The following ENPP6 variants were observed in gnomAD, a reference collection of about 807,000 sequenced individuals.
ENPP6 encodes ectonucleotide pyrophosphatase/phosphodiesterase 6, also known as glycerophosphocholine cholinephosphodiesterase ENPP6.
A neutral mutation model predicts 42.0 loss-of-function variants in ENPP6; 32 were observed. The ratio of observed to expected loss-of-function variants is 0.76; its 90% CI spans 0.58 to 1.02. The LOEUF (loss-of-function observed/expected upper bound fraction) is 1.02. Among genes scored for constraint, ENPP6 ranks in the 50% least tolerant of loss-of-function variants. The pLI is 0.00. For missense variants in ENPP6, 552 were observed against 566.8 expected, an observed-to-expected ratio of 0.97 and a Z score of 0.27; for synonymous variants, 213 against 216.0, an observed-to-expected ratio of 0.99 and a Z score of 0.12.
At chr4:184,125,338 A>G (rs1736485751) in intron 2 of ENPP6, among the ~76,000 whole-genome samples, 1 of 152,186 alleles carries the variant, frequency 6.6e-6, no homozygotes, top group South Asian at 2.1e-4. Flanking sequence ...AGCTTGACCA[A>G]GGGTTCAGAG....
In ENPP6 at chr4:184,109,230, CAACAAAA is replaced by C. The variant is rs576047266; in HGVS notation, c.993+3435_993+3441del. 4.0e-3 allele frequency among the ~76,000 whole-genome samples: 450 copies of C among 111,200 alleles called. 4 individuals are homozygous for C. Among genetic ancestry groups the C allele is most frequent in the East Asian group, 0.024 (68 of 2,890 alleles). 73.0% of individuals were successfully genotyped at this position (111,200 alleles called of 152,430 possible). On this transcript the variant is annotated intron_variant, in intron 6 of 7. Transcript: ENST00000296741. ...CATCTCAAAAACAAAACAACAACAA[CAACAAAA>C]AAAAACAAAACAAACAAACAAAAAG...
Position 184,157,442 on chromosome 4 carries a change from T to TC in ENPP6, c.242-3710dup, listed in dbSNP as rs1407403779. Among the ~76,000 whole-genome samples the TC allele has an allele frequency of 4.1e-3, 553 of 133,738 alleles. 13 individuals carry two copies. Among genetic ancestry groups the TC allele is most frequent in the Admixed American group, 0.032 (425 of 13,090 alleles). 87.7% of individuals were successfully genotyped at this position (133,738 alleles called of 152,430 possible). A position where few individuals can be genotyped will look rare whatever the true frequency, so the allele number is the denominator to read the frequency against. The stretch of plus-strand genomic sequence containing the variant: ...CTTTCTTTCTTTCCTTTTCTTTCTT[T>TC]CTTTTCTTTCTCTCTCTTTCTTTCC... On this transcript the variant is annotated intron_variant, in intron 1 of 7. Transcript: ENST00000296741.
chr4:184,170,366 G>C (rs2111091828), intron 1 of ENPP6, among the ~76,000 whole-genome samples: 2 of 151,678 alleles, frequency 1.3e-5, no homozygotes, highest in South Asian at 4.2e-4. Flanking sequence ...GGAGTTGAAG[G>C]TTGTGGTGAG....
intron 6 of ENPP6, among the ~76,000 whole-genome samples, chr4:184,097,882 G>C (rs577249870): frequency 6.6e-6 from 1 of 152,108 alleles, no homozygotes; most frequent in Admixed American, 6.5e-5. Flanking sequence ...CTGGCCACCA[G>C]AGGAACCAGA....
At chr4:184,121,320 C>A (rs936370455) in intron 3 of ENPP6, among the ~76,000 whole-genome samples, 10 of 152,248 alleles carry the variant, frequency 6.6e-5, no homozygotes, top group Admixed American at 6.5e-4. Flanking sequence ...CTCTTTCCTA[C>A]CACAGGCTGA....
chr4:184,123,714 AT>A (rs962803278), intron 3 of ENPP6, among the ~76,000 whole-genome samples: 11 of 152,198 alleles, frequency 7.2e-5, no homozygotes, highest in African/African-American at 2.7e-4. Flanking sequence ...GAAAAAACAG[AT>A]TTTGTGTTCT....
intron 2 of ENPP6, among the ~76,000 whole-genome samples, chr4:184,131,559 T>C (rs1354061916): frequency 2.0e-5 from 3 of 149,938 alleles, no homozygotes; most frequent in African/African-American, 7.5e-5. Flanking sequence ...AGATGAGATT[T>C]CACCATGTTG....
chr4:184,163,906 C>T (rs1174588868), intron 1 of ENPP6, among the ~76,000 whole-genome samples: 2 of 152,198 alleles, frequency 1.3e-5, no homozygotes, highest in African/African-American at 4.8e-5. Context: ...TAAGAAGGAT[C>T]TTGGAAATCG....
chr4:184,217,444 T>A, intron 1 of ENPP6, 135 bp downstream of exon 1: 2 of 1,287,086 alleles, frequency 1.6e-6, no homozygotes, highest in South Asian at 3.1e-5. Flanking sequence ...ACACAGATTT[T>A]TTTTATCTAC....
chr4:184,119,416 C>G (rs1202498204), intron 3 of ENPP6, among the ~76,000 whole-genome samples: 4 of 151,016 alleles, frequency 2.6e-5, no homozygotes, highest in Non-Finnish European at 5.9e-5. Context: ...TTCCCCTCAG[C>G]AAGAAACTAT....
chr4:184,192,900 C>G (rs1732729100), intron 1 of ENPP6, among the ~76,000 whole-genome samples: 1 of 152,142 alleles, frequency 6.6e-6, no homozygotes, highest in Non-Finnish European at 1.5e-5. Flanking sequence ...CCATGAAATG[C>G]CACTTCATAA....
At chr4:184,114,605 C>G (rs1325152490) in intron 5 of ENPP6, among the ~76,000 whole-genome samples, 1 of 152,126 alleles carries the variant, frequency 6.6e-6, no homozygotes, top group Non-Finnish European at 1.5e-5. Flanking sequence ...CAAACATGGC[C>G]CCCGCTTTTG....
In ENPP6 at chr4:184,158,414, G is replaced by T. The variant is rs192501633; in HGVS notation, c.242-4681C>A. ...ATCTTAATAATCAGCGGGGTGGGGT[G>T]GGGGGAATAGGATTGTTCTGTGACA... On this transcript the variant is annotated intron_variant, in intron 1 of 7. Coordinates refer to ENST00000296741, the MANE Select transcript of ENPP6 (RefSeq NM_153343.4). Among the ~76,000 whole-genome samples, 276 of 152,190 alleles carry T rather than the reference G, an allele frequency of 1.8e-3. 1 individual carries two copies. Among genetic ancestry groups the T allele is most frequent in the African/African-American group, 6.2e-3 (258 of 41,536 alleles).
intron 1 of ENPP6, among the ~76,000 whole-genome samples, chr4:184,189,594 A>G (rs1416110484): frequency 2.0e-5 from 3 of 152,210 alleles, no homozygotes; most frequent in Non-Finnish European, 4.4e-5. Context: ...CCACGGACAA[A>G]GTCAGGAAGC....
intron 1 of ENPP6, among the ~76,000 whole-genome samples, chr4:184,174,765 C>T (rs564203690): frequency 4.3e-5 from 4 of 94,008 alleles, no homozygotes; most frequent in South Asian, 3.9e-4. Context: ...AGACGTTGCA[C>T]GATTTAGCAA....
chr4:184,160,370 T>C (rs937760243), intron 1 of ENPP6, among the ~76,000 whole-genome samples: 2 of 152,244 alleles, frequency 1.3e-5, no homozygotes, highest in Non-Finnish European at 2.9e-5. Context: ...GGTATTGCAT[T>C]GTGGTTTTGA....
chr4:184,121,533 A>G (rs776798940), intron 3 of ENPP6, among the ~76,000 whole-genome samples: 5 of 152,226 alleles, frequency 3.3e-5, no homozygotes, highest in Non-Finnish European at 4.4e-5. Context: ...GCACTCATGT[A>G]TGAAAACTCC....
chr4:184,194,745 G>T (rs1732768359), intron 1 of ENPP6, among the ~76,000 whole-genome samples: 1 of 152,194 alleles, frequency 6.6e-6, no homozygotes, highest in South Asian at 2.1e-4. Flanking sequence ...GAGGACTGAT[G>T]TCTGTGAGAT....
At chr4:184,127,539 C>T (rs909244236) in intron 2 of ENPP6, among the ~76,000 whole-genome samples, 1 of 152,182 alleles carries the variant, frequency 6.6e-6, no homozygotes, top group African/African-American at 2.4e-5. Flanking sequence ...AAAAGCAAGA[C>T]CTGAGGTCAG....
Sources: gnomAD v4.1 joint callset for allele counts (sites outside exome capture counted in the v4.1 genomes callset) on GRCh38, gnomAD v4.1.1 for gene constraint, MANE v1.5 for transcripts, NCBI Gene and HGNC (gene_info 2026-07-23, HGNC 2026-07-21) for gene names.